The following CYP2B6 variants were observed in gnomAD, a reference collection of about 807,000 sequenced individuals.
CYP2B6 encodes cytochrome P450 2B6.
Under a neutral mutation model 43.4 loss-of-function variants are expected in CYP2B6, and 35 were observed. That is an observed-to-expected ratio of 0.81 (90% CI 0.62 to 1.07). The LOEUF is 1.07. Ranked by LOEUF, CYP2B6 falls within the 50% of genes least tolerant of loss-of-function variation. The pLI, the probability that CYP2B6 is intolerant of heterozygous loss-of-function variation, is 0.00. For synonymous variants in CYP2B6, 239 were observed against 239.2 expected, an observed-to-expected ratio of 1.00 and a Z score of 0.01; for missense variants, 624 against 632.8, an observed-to-expected ratio of 0.99 and a Z score of 0.15.
chr19:41,016,540 A>T lies in CYP2B6; in HGVS notation c.1295-106A>T. The T allele has an allele frequency of 3.3e-6, 4 of 1,205,758 alleles. No individual in the cohort carries two copies. The South Asian group carries it at 5.0e-5, about 15-fold the overall frequency. The allele number at this position is 1,205,758 out of a possible 1,614,324, so 74.7% of individuals were successfully genotyped here. On this transcript the variant is annotated intron_variant, in intron 8 of 8. Transcript: ENST00000324071. ...GAATTGTAGGTTAAAGGCCAGTCTT[A>T]TGCAAATCTGTTGCAGTGGACATTT...
At chr19:40,993,634 G>T (rs551875435) in intron 1 of CYP2B6, among the ~76,000 whole-genome samples, 5 of 152,120 alleles carry the variant, frequency 3.3e-5, no homozygotes, top group Non-Finnish European at 5.9e-5. Context: ...TGAGATTTGG[G>T]TGAGGACACA....
At position 41,017,731 on chromosome 19, in the gene CYP2B6, C is replaced by T. The variant is rs1969392271; in HGVS notation, c.*904C>T. ...ATCTCTCCCCCAACAAAACCCATAC[C>T]TATCAAGCTGTCACTCCCCATACCC... On this transcript the variant is annotated 3_prime_UTR_variant, in exon 9 of 9. Coordinates refer to ENST00000324071, the MANE Select transcript of CYP2B6 (RefSeq NM_000767.5). The T allele has an allele frequency of 6.6e-6, 1 of 152,182 alleles. No individual in the cohort carries two copies. Among genetic ancestry groups the T allele is most frequent in the South Asian group, 2.1e-4 (1 of 4,818 alleles). 9.4% of individuals were successfully genotyped at this position (152,182 alleles called of 1,614,324 possible).
In CYP2B6 at chr19:41,007,342, A is replaced by G. The variant is rs150964647; in HGVS notation, c.645+277A>G. ...GATGAGCAAAAACAAGACAAAGAAG[A>G]GCAGAAATCAAGAGATTCTGAGAGA... On this transcript the variant is annotated intron_variant, in intron 4 of 8. Transcript: ENST00000324071. The G allele has an allele frequency of 2.2e-3, 1,022 of 465,060 alleles. 8 individuals are homozygous for G. Among genetic ancestry groups the G allele is most frequent in the African/African-American group, 0.018 (898 of 51,060 alleles). The allele number at this position is 465,060 out of a possible 1,614,324, so 28.8% of individuals were successfully genotyped here. A position where few individuals can be genotyped will look rare whatever the true frequency, so the allele number is the denominator to read the frequency against.
Position 41,018,010 on chromosome 19 carries a change from G to C in CYP2B6, c.*1183G>C, listed in dbSNP as rs1217765559. On this transcript the variant is annotated 3_prime_UTR_variant, in exon 9 of 9. Transcript: ENST00000324071. ...TGGGATTACAGGCATGTACTACCAT[G>C]CCTGGCTAATTTTCTTGTAGTTTTA... 3.3e-5 allele frequency: 5 copies of C among 152,062 alleles called. No individual in the cohort carries two copies. Among genetic ancestry groups the C allele is most frequent in the African/African-American group, 1.2e-4 (5 of 41,372 alleles). 9.4% of individuals were successfully genotyped at this position (152,062 alleles called of 1,614,324 possible). A position where few individuals can be genotyped will look rare whatever the true frequency, so the allele number is the denominator to read the frequency against.
At position 41,016,672 on chromosome 19, in the gene CYP2B6, A is replaced by T; in HGVS notation, c.1321A>T (p.Ile441Phe). The T allele has an allele frequency of 1.2e-6, 2 of 1,614,200 alleles. No individual in the cohort carries two copies. The highest frequency in any genetic ancestry group is 1.7e-6 in the Non-Finnish European group (2 of 1,180,032). Residue 441 changes from isoleucine (I) to phenylalanine (F), a missense_variant, in exon 9 of 9, where the codon ATC becomes TTC. By Grantham distance (21) the Ile-to-Phe change is conservative. Coordinates refer to ENST00000324071, the MANE Select transcript of CYP2B6 (RefSeq NM_000767.5). ...GAAGCGGATTTGTCTTGGTGAAGGC[A>T]TCGCCCGTGCGGAATTGTTCCTCTT... Reference protein sequence around the residue: ...LGKRICLGEGIARAELFLFFT... With the variant: ...LGKRICLGEGFARAELFLFFT...
At chr19:41,000,127 T>A (rs1969061734) in intron 1 of CYP2B6, among the ~76,000 whole-genome samples, 1 of 152,164 alleles carries the variant, frequency 6.6e-6, no homozygotes, top group Admixed American at 6.5e-5. Flanking sequence ...AAGAACGGTG[T>A]CTGCTCCTCA....
intron 6 of CYP2B6, 90 bp from the exon 7 acceptor site, chr19:41,012,208 C>T: frequency 3.8e-6 from 5 of 1,310,414 alleles, no homozygotes; most frequent in Non-Finnish European, 4.3e-6. Flanking sequence ...CCTCAACCTC[C>T]AAAATTGCTG....
At position 41,010,076 on chromosome 19, in the gene CYP2B6, C is replaced by T. The variant is rs1261998210; in HGVS notation, c.905C>T (p.Thr302Ile). The T allele has an allele frequency of 6.2e-7, 1 of 1,614,120 alleles. No individual in the cohort carries two copies. Among genetic ancestry groups the T allele is most frequent in the Middle Eastern group, 1.7e-4 (1 of 6,044 alleles). The change falls in exon 6 of 9, where the codon ACC (threonine) becomes ATC (isoleucine). Residue 302 changes from threonine to isoleucine, a missense_variant. By Grantham distance (89) the Thr-to-Ile change is moderately conservative. Transcript: ENST00000324071. ...TCGCTCTTCTTTGCTGGCACTGAGA[C>T]CACCAGCACCACTCTCCGCTACGGC... The part of the protein sequence containing the change: ...TLSLFFAGTE[T>I]TSTTLRYGFL...
At chr19:41,008,920 TA>T (rs1165929614) in intron 4 of CYP2B6, among the ~76,000 whole-genome samples, 1 of 149,296 alleles carries the variant, frequency 6.7e-6, no homozygotes, top group Non-Finnish European at 1.5e-5. Context: ...CAGGCTGAGG[TA>T]GACAATGGGT....
At position 40,991,380 on chromosome 19, in the gene CYP2B6, C is replaced by T; in HGVS notation, c.75C>T (p.Asn25=). ...TACTCCTGGTTCAGCGCCACCCTAA[C>T]ACCCATGACCGCCTCCCACCAGGGC... ...LLLLLVQRHP[N]THDRLPPGPR... Residue 25 remains asparagine (N), a synonymous_variant, in exon 1 of 9, where the codon AAC becomes AAT. Transcript: ENST00000324071. 6.2e-7 allele frequency: 1 copy of T among 1,614,142 alleles called. No homozygotes were observed. The highest frequency in any genetic ancestry group is 8.5e-7 in the Non-Finnish European group (1 of 1,180,034).
intron 8 of CYP2B6, among the ~76,000 whole-genome samples, chr19:41,014,267 A>C (rs1030540768): frequency 2.6e-5 from 4 of 151,472 alleles, no homozygotes; most frequent in African/African-American, 9.7e-5. Flanking sequence ...GATGGCTTGA[A>C]TGTCAATGTC....
intron 5 of CYP2B6, 119 bp from the exon 6 acceptor site, chr19:41,009,875 T>C: frequency 8.3e-7 from 1 of 1,199,674 alleles, no homozygotes; most frequent in South Asian, 1.3e-5. Context: ...AAAAGCAAAC[T>C]GGGCCAGATA....
rs531379847 is a variant in CYP2B6 at position 40,991,444 on chromosome 19, G to A, written c.139G>A (p.Asp47Asn). ...CCTTTTGGGAAACCTTCTGCAGATGGATAGAAGAGGCCTACTCAAATCCTT... is the reference window on the plus strand; with the variant it reads ...CCTTTTGGGAAACCTTCTGCAGATGAATAGAAGAGGCCTACTCAAATCCTT... ...LPLLGNLLQM[D>N]RRGLLKSFLR... The change falls in exon 1 of 9, where the codon GAT becomes AAT. Residue 47 changes from aspartate to asparagine, a missense_variant. Transcript: ENST00000324071. 3.5e-5 allele frequency: 56 copies of A among 1,613,984 alleles called. 1 individual carries two copies. The highest frequency in any genetic ancestry group is 4.5e-5 in the East Asian group (2 of 44,872).
At chr19:41,012,168 T>G in intron 6 of CYP2B6, 130 bp from the exon 7 acceptor site, 12 of 840,722 alleles carry the variant, frequency 1.4e-5, no homozygotes, top group Non-Finnish European at 2.3e-5. Context: ...CAGGCTCATC[T>G]TGAACTCCTG....
chr19:40,993,349 C>T (rs577618663), intron 1 of CYP2B6, among the ~76,000 whole-genome samples: 1 of 152,176 alleles, frequency 6.6e-6, no homozygotes, highest in African/African-American at 2.4e-5. Context: ...TTCCACATGG[C>T]TGGGGAGGCC....
At chr19:41,007,699 C>A (rs1158205227) in intron 4 of CYP2B6, 177 of 152,258 alleles carry the variant, frequency 1.2e-3, no homozygotes, top group African/African-American at 4.1e-3. Flanking sequence ...AATCTCAGCT[C>A]ACTGCAACTT....
chr19:41,004,018 G>C lies in CYP2B6; in HGVS notation c.189G>C (p.Gly63=), dbSNP rs770696778. The C allele has an allele frequency of 9.3e-6, 15 of 1,613,078 alleles. No individual in the cohort carries two copies. The highest frequency in any genetic ancestry group is 1.7e-5 in the Admixed American group (1 of 59,988). The part of the protein sequence containing the change: ...KSFLRFREKY[G]DVFTVHLGPR... ...ATTGGCAGTTCCGAGAGAAATATGGGGACGTCTTCACGGTACACCTGGGAC... is the reference window on the plus strand; with the variant it reads ...ATTGGCAGTTCCGAGAGAAATATGGCGACGTCTTCACGGTACACCTGGGAC... The change falls in exon 2 of 9, where the codon GGG becomes GGC. Residue 63 remains glycine (G), a synonymous_variant. Transcript: ENST00000324071.
chr19:41,013,442 A>G (rs1256886029), intron 8 of CYP2B6, among the ~76,000 whole-genome samples: 1 of 152,216 alleles, frequency 6.6e-6, no homozygotes, highest in African/African-American at 2.4e-5. Flanking sequence ...CCAAGCTAAC[A>G]TGTTCATGGG....
At position 41,016,923 on chromosome 19, in the gene CYP2B6, G is replaced by C. The variant is rs1969379815; in HGVS notation, c.*96G>C. On this transcript the variant is annotated 3_prime_UTR_variant, in exon 9 of 9. Coordinates refer to ENST00000324071, the MANE Select transcript of CYP2B6 (RefSeq NM_000767.5). ...TGACTCCCCGCAACTTCCTGCCTCT[G>C]AGAGACCTGCTACAAGCCAGCTTCC... The C allele has an allele frequency of 2.2e-6, 3 of 1,340,338 alleles. No homozygotes were observed. In the South Asian group the frequency reaches 4.1e-5, roughly 18 times the overall value. The allele number at this position is 1,340,338 out of a possible 1,614,324, so 83.0% of individuals were successfully genotyped here.
Sources: allele counts gnomAD v4.1 joint callset (sites outside exome capture counted in the v4.1 genomes callset), GRCh38; gene constraint gnomAD v4.1.1; transcripts MANE v1.5; gene names NCBI Gene and HGNC (gene_info 2026-07-23, HGNC 2026-07-21).